The following ATP10D variants were observed in gnomAD, a reference collection of about 807,000 sequenced individuals.
ATP10D encodes the protein phospholipid-transporting ATPase VD.
In ATP10D, 89 loss-of-function variants were observed where a neutral mutation model predicts 144.8. That is an observed-to-expected ratio of 0.61 (90% confidence interval 0.52 to 0.73). The LOEUF (loss-of-function observed/expected upper bound fraction) is 0.73, where lower values mean the gene tolerates loss of function less well. ATP10D is among the 30% of genes least tolerant of loss of function. The pLI, the probability that ATP10D is intolerant of heterozygous loss-of-function variation, is 0.00. For missense variants in ATP10D, 1,603 were observed against 1,714.8 expected, an observed-to-expected ratio of 0.93 and a Z score of 1.15; for synonymous variants, 571 against 615.1, an observed-to-expected ratio of 0.93 and a Z score of 1.06.
chr4:47,515,120 C>A (rs978835570), intron 2 of ATP10D, among the ~76,000 whole-genome samples: 1 of 151,950 alleles, frequency 6.6e-6, no homozygotes, highest in Admixed American at 6.6e-5. Flanking sequence ...GCCACTACAC[C>A]CAGCTAATTT....
chr4:47,572,083 A>G (rs1484636656), intron 16 of ATP10D, 71 bp from the exon 17 acceptor site: 3 of 1,371,584 alleles, frequency 2.2e-6, no homozygotes, highest in Non-Finnish European at 1.0e-6. Flanking sequence ...AGCTGCCCCT[A>G]TTGATTTGCA....
chr4:47,516,967 C>CA (rs1168792971), intron 3 of ATP10D, among the ~76,000 whole-genome samples: 1 of 152,156 alleles, frequency 6.6e-6, no homozygotes, highest in Non-Finnish European at 1.5e-5. Context: ...TCTCTAGCCT[C>CA]AAAAAATAGC....
chr4:47,576,925 G>A lies in ATP10D; in HGVS notation c.3519G>A (p.Glu1173=), dbSNP rs1229049567. 1.2e-6 allele frequency: 2 copies of A among 1,614,034 alleles called. No individual in the cohort carries two copies. Among genetic ancestry groups the A allele is most frequent in the Non-Finnish European group, 1.7e-6 (2 of 1,180,026 alleles). The change falls in exon 19 of 23, where the codon GAG becomes GAA. Residue 1173 remains glutamate (E), a synonymous_variant. Transcript: ENST00000273859. ...TTTTGGAGAAAGATGTGTCTGCAGA[G>A]ACCCTCATGCAACTGCCTGAACTTT... The part of the protein sequence containing the change: ...YGVLEKDVSA[E]TLMQLPELYR...
chr4:47,577,131 A>C (rs1720280977), intron 19 of ATP10D, among the ~76,000 whole-genome samples, 158 bp downstream of exon 19: 1 of 152,222 alleles, frequency 6.6e-6, no homozygotes, highest in Non-Finnish European at 1.5e-5. Context: ...TCACTTACTT[A>C]ACTTTGAGGT....
chr4:47,576,865 C>T lies in ATP10D; in HGVS notation c.3459C>T (p.Leu1153=), dbSNP rs1172597521. The T allele has an allele frequency of 6.2e-7, 1 of 1,614,156 alleles. No homozygotes were observed. The highest frequency in any genetic ancestry group is 1.3e-5 in the African/African-American group (1 of 75,030). The change falls in exon 19 of 23, where the codon CTC becomes CTT. Residue 1153 remains leucine (L), a synonymous_variant. Coordinates refer to ENST00000273859, the MANE Select transcript of ATP10D (RefSeq NM_020453.4). ...TDYWVLIFFN[L]LFTSAPPVIY... is the part of the protein sequence containing the mutation. ...ACTGGGTTTTGATCTTCTTCAACCT[C>T]CTCTTCACATCTGCCCCTCCTGTCA...
intron 11 of ATP10D, among the ~76,000 whole-genome samples, chr4:47,555,194 C>T (rs1174883449): frequency 1.3e-5 from 2 of 152,150 alleles, no homozygotes; most frequent in East Asian, 1.9e-4. Flanking sequence ...GCCTGAGCCC[C>T]GCCTCCTGTC....
intron 1 of ATP10D, among the ~76,000 whole-genome samples, chr4:47,495,095 T>C (rs1715282155): frequency 6.6e-6 from 1 of 152,240 alleles, no homozygotes; most frequent in East Asian, 1.9e-4. Flanking sequence ...TAATGCTTCT[T>C]TGCAGGAACA....
chr4:47,504,591 C>T (rs1278884865), intron 1 of ATP10D, among the ~76,000 whole-genome samples: 11 of 151,978 alleles, frequency 7.2e-5, no homozygotes, highest in African/African-American at 2.4e-4. Context: ...GAGATGGAGT[C>T]TCACTCTGTG....
intron 3 of ATP10D, among the ~76,000 whole-genome samples, chr4:47,516,045 C>T (rs929610089): frequency 6.6e-6 from 1 of 151,998 alleles, no homozygotes; most frequent in South Asian, 2.1e-4. Context: ...GCCTGACCAA[C>T]ATGATGAAAC....
chr4:47,591,146 A>T lies in ATP10D; in HGVS notation c.4046A>T (p.Lys1349Met), dbSNP rs200479028. The change falls in exon 23 of 23, where the codon AAG (lysine) becomes ATG (methionine). Residue 1349 changes from lysine (K) to methionine (M), a missense_variant. Coordinates refer to ENST00000273859, the MANE Select transcript of ATP10D (RefSeq NM_020453.4). ...GAGGAGAGGACTAAAGCTCTCAAGA[A>T]GTGGAGAGGGGCTGGAAAGATGAAT... ...TPEERTKALK[K>M]WRGAGKMNQV... 1.9e-6 allele frequency: 3 copies of T among 1,613,466 alleles called. No homozygotes were observed. The highest frequency in any genetic ancestry group is 1.7e-5 in the Admixed American group (1 of 59,904).
Position 47,512,560 on chromosome 4 carries a change from G to A in ATP10D, c.20G>A (p.Trp7Ter), listed in dbSNP as rs1212400672. Residue 7 changes from tryptophan (W) to a stop codon, truncating the protein, a stop_gained, in exon 2 of 23, where the codon TGG becomes TAG. Transcript: ENST00000273859. LOFTEE classifies it high-confidence loss of function. MTEALQ[W>*]ARYHWRRLIR... ...TTGGATATGACTGAGGCTCTCCAAT[G>A]GGCCAGATATCACTGGCGACGGCTG... 6.2e-7 allele frequency: 1 copy of A among 1,613,612 alleles called. No individual in the cohort carries two copies. Among genetic ancestry groups the A allele is most frequent in the East Asian group, 2.2e-5 (1 of 44,878 alleles).
intron 15 of ATP10D, 80 bp from the exon 16 acceptor site, chr4:47,568,756 TA>T: frequency 3.1e-6 from 4 of 1,281,076 alleles, no homozygotes; most frequent in South Asian, 1.4e-5. Context: ...CAGCAATTGC[TA>T]AAAAATGACA....
intron 1 of ATP10D, among the ~76,000 whole-genome samples, chr4:47,498,598 A>G (rs368561654): frequency 6.6e-6 from 1 of 152,216 alleles, no homozygotes. Flanking sequence ...CTTATTATAC[A>G]TTGATTGTCC....
intron 3 of ATP10D, 150 bp downstream of exon 3, chr4:47,515,820 C>T: frequency 1.7e-6 from 1 of 605,524 alleles, no homozygotes; most frequent in Non-Finnish European, 2.7e-6. Flanking sequence ...TTCGTAAAGT[C>T]CTATGGTGAA....
At chr4:47,489,389 GA>G (rs35842572) in intron 1 of ATP10D, among the ~76,000 whole-genome samples, 2 of 150,254 alleles carry the variant, frequency 1.3e-5, no homozygotes, top group Admixed American at 6.6e-5. Flanking sequence ...TCCTAGTTTT[GA>G]AAAAAAAATC....
intron 20 of ATP10D, among the ~76,000 whole-genome samples, chr4:47,581,303 C>T (rs757050326): frequency 6.6e-6 from 1 of 152,322 alleles, no homozygotes; most frequent in Non-Finnish European, 1.5e-5. Context: ...TATAGCTGCT[C>T]ATCCACATAT....
chr4:47,590,892 G>A (rs932094583), intron 22 of ATP10D, 150 bp from the exon 23 acceptor site: 2 of 508,558 alleles, frequency 3.9e-6, no homozygotes, highest in Non-Finnish European at 3.5e-6. Flanking sequence ...TCTCCATTTT[G>A]TATTAGAGTT....
At chr4:47,554,468 A>C (rs1171622028) in intron 10 of ATP10D, among the ~76,000 whole-genome samples, 1 of 152,210 alleles carries the variant, frequency 6.6e-6, no homozygotes, top group East Asian at 1.9e-4. Context: ...GGTGAAAACT[A>C]AACTCCTGTT....
At position 47,555,617 on chromosome 4, in the gene ATP10D, G is replaced by A. The variant is rs570728868; in HGVS notation, c.1824+703G>A. Among the ~76,000 whole-genome samples the A allele has an allele frequency of 4.6e-5, 7 of 152,244 alleles. No individual in the cohort carries two copies. In the East Asian group the frequency reaches 1.2e-3, roughly 25 times the overall value. On this transcript the variant is annotated intron_variant, in intron 11 of 22. Coordinates refer to ENST00000273859, the MANE Select transcript of ATP10D (RefSeq NM_020453.4). ...TTTGCCTCTAAGAGGGTAGTGATGA[G>A]AGCAATTCATTTTGCTTTAGTTTAT...
Sources: gnomAD v4.1 joint callset for allele counts (sites outside exome capture counted in the v4.1 genomes callset) on GRCh38, gnomAD v4.1.1 for gene constraint, MANE v1.5 for transcripts, NCBI Gene and HGNC (gene_info 2026-07-23, HGNC 2026-07-21) for gene names.